The following DLAT variants were observed in gnomAD, a reference collection of about 807,000 sequenced individuals.
The protein encoded by DLAT is dihydrolipoamide S-acetyltransferase.
In DLAT, 43 loss-of-function variants were observed where a neutral mutation model predicts 68.0. The observed-to-expected ratio is 0.63, with a 90% CI of 0.50 to 0.81. DLAT has a LOEUF of 0.81. Ranked by LOEUF, DLAT falls within the 40% of genes least tolerant of loss-of-function variation. The probability of loss-of-function intolerance (pLI) is 0.00; values close to 1 mark genes in which losing one functional copy is unlikely to be tolerated. For missense variants in DLAT, 745 were observed against 815.4 expected, an observed-to-expected ratio of 0.91 and a Z score of 1.05; for synonymous variants, 265 against 288.6, an observed-to-expected ratio of 0.92 and a Z score of 0.83.
At chr11:112,057,285 C>T (rs782107589) in intron 11 of DLAT, among the ~76,000 whole-genome samples, 2 of 152,168 alleles carry the variant, frequency 1.3e-5, no homozygotes, top group African/African-American at 4.8e-5. Context: ...CAATTAGTAA[C>T]TCTACAATGG....
intron 4 of DLAT, among the ~76,000 whole-genome samples, chr11:112,031,802 A>G (rs781900556): frequency 3.7e-5 from 5 of 136,164 alleles, no homozygotes; most frequent in Middle Eastern, 5.0e-3. Context: ...CTGGTCGTGA[A>G]CTCCTGGGCT....
intron 11 of DLAT, among the ~76,000 whole-genome samples, chr11:112,055,331 C>T (rs1863949385): frequency 6.6e-6 from 1 of 150,618 alleles, no homozygotes; most frequent in Non-Finnish European, 1.5e-5. Context: ...GCAACCTCCG[C>T]CTCGTGGGTT....
intron 2 of DLAT, among the ~76,000 whole-genome samples, chr11:112,027,275 G>A (rs1555179441): frequency 6.6e-6 from 1 of 150,932 alleles, no homozygotes; most frequent in African/African-American, 2.5e-5. Context: ...TCGCGGCCGG[G>A]TAGAGGCGCT....
chr11:112,037,629 G>A (rs910315070), intron 6 of DLAT, among the ~76,000 whole-genome samples, 169 bp downstream of exon 6: 25 of 152,104 alleles, frequency 1.6e-4, no homozygotes, highest in African/African-American at 6.0e-4. Flanking sequence ...GTACTGCACT[G>A]TTCACCTAAT....
At chr11:112,029,774 C>A in intron 4 of DLAT, 2 of 460,346 alleles carry the variant, frequency 4.3e-6, no homozygotes, top group South Asian at 1.8e-5. Flanking sequence ...GGGGCCAGTC[C>A]AGATTATCTT....
intron 2 of DLAT, 84 bp from the exon 3 acceptor site, chr11:112,028,420 CAAAAAAAAAAA>C: frequency 3.7e-6 from 3 of 814,926 alleles, no homozygotes; most frequent in South Asian, 1.7e-5. Context: ...CTCTGTGTCT[CAAAAAAAAAAA>C]AAAAAAAAAA....
At chr11:112,031,885 GTTTTTTTTTTTTTTTTT>G (rs55866523) in intron 4 of DLAT, among the ~76,000 whole-genome samples, 3 of 45,352 alleles carry the variant, frequency 6.6e-5, no homozygotes, top group East Asian at 1.6e-3. Flanking sequence ...GGTCTTTCCT[GTTTTTTTTTTTTTTTTT>G]TTTTTTTTTT....
At position 112,037,343 on chromosome 11, in the gene DLAT, A is replaced by G. The variant is rs782640178; in HGVS notation, c.858A>G (p.Leu286=). 6.2e-7 allele frequency: 1 copy of G among 1,614,184 alleles called. No homozygotes were observed. Among genetic ancestry groups the G allele is most frequent in the Admixed American group, 1.7e-5 (1 of 60,024 alleles). Residue 286 remains leucine (L), a synonymous_variant, in exon 6 of 14, where the codon CTA becomes CTG. Coordinates refer to ENST00000280346, the MANE Select transcript of DLAT (RefSeq NM_001931.5). ...CTGAAGGCACAAGAGATGTCCCTCTAGGAACCCCACTCTGTATCATTGTAG... is the reference window on the plus strand; with the variant it reads ...CTGAAGGCACAAGAGATGTCCCTCTGGGAACCCCACTCTGTATCATTGTAG... ...LVPEGTRDVP[L]GTPLCIIVEK...
intron 1 of DLAT, 96 bp downstream of exon 1, chr11:112,025,847 C>A: frequency 1.4e-6 from 2 of 1,477,392 alleles, no homozygotes; most frequent in Non-Finnish European, 1.8e-6. Context: ...TGATCCTCCA[C>A]CCATTCCCAG....
intron 5 of DLAT, among the ~76,000 whole-genome samples, chr11:112,036,201 G>GGTT: frequency 2.7e-5 from 1 of 36,482 alleles, no homozygotes; most frequent in Non-Finnish European, 5.1e-5. Flanking sequence ...GTGTGTGTGT[G>GGTT]TTTTTTTTTT....
intron 5 of DLAT, among the ~76,000 whole-genome samples, chr11:112,034,476 T>C (rs2137733346): frequency 6.6e-6 from 1 of 151,796 alleles, no homozygotes; most frequent in Middle Eastern, 3.4e-3. Flanking sequence ...GGAGTCTCGC[T>C]GTGTTGCCCA....
intron 11 of DLAT, among the ~76,000 whole-genome samples, chr11:112,056,553 C>T (rs1412962640): frequency 6.6e-6 from 1 of 152,102 alleles, no homozygotes; most frequent in African/African-American, 2.4e-5. Flanking sequence ...AGTGTTTAAT[C>T]GTATCAATAT....
At chr11:112,032,011 G>T (rs1003236646) in intron 4 of DLAT, among the ~76,000 whole-genome samples, 1 of 148,732 alleles carries the variant, frequency 6.7e-6, no homozygotes, top group Non-Finnish European at 1.5e-5. Context: ...CTCCTGAGTA[G>T]CTGGGACTAC....
intron 11 of DLAT, among the ~76,000 whole-genome samples, chr11:112,053,377 C>T (rs933102438): frequency 2.0e-5 from 3 of 152,088 alleles, no homozygotes; most frequent in Non-Finnish European, 2.9e-5. Context: ...TGCTCCATGG[C>T]TTAGAGTGAC....
At chr11:112,053,183 G>A (rs782721805) in intron 11 of DLAT, among the ~76,000 whole-genome samples, 2 of 152,050 alleles carry the variant, frequency 1.3e-5, no homozygotes, top group Non-Finnish European at 2.9e-5. Flanking sequence ...TTAGCTGAGC[G>A]TGGTGGTGCA....
At chr11:112,057,737 C>G (rs1316638460) in intron 11 of DLAT, among the ~76,000 whole-genome samples, 1 of 152,086 alleles carries the variant, frequency 6.6e-6, no homozygotes, top group African/African-American at 2.4e-5. Flanking sequence ...CATAAAAGTA[C>G]AGGGTGAAGC....
In DLAT at chr11:112,037,440, C is replaced by T; in HGVS notation, c.955C>T (p.Pro319Ser). The T allele has an allele frequency of 6.2e-7, 1 of 1,613,886 alleles. No individual in the cohort carries two copies. Among genetic ancestry groups the T allele is most frequent in the Middle Eastern group, 1.6e-4 (1 of 6,062 alleles). ...TEVTDLKPQV[P>S]PPTPPPVAAV... ...AGTAACAGATTTAAAACCACAAGTGCCACCACCTACCCCACCCCCGGTAGG... is the reference window on the plus strand; with the variant it reads ...AGTAACAGATTTAAAACCACAAGTGTCACCACCTACCCCACCCCCGGTAGG... Residue 319 changes from proline (P) to serine (S), a missense_variant, in exon 6 of 14, where the codon CCA (proline) becomes TCA (serine). Pro to Ser is a moderately conservative substitution (Grantham distance 74). Coordinates refer to ENST00000280346, the MANE Select transcript of DLAT (RefSeq NM_001931.5).
chr11:112,060,087 T>C (rs1221136931), intron 12 of DLAT, 22 bp downstream of exon 12: 7 of 1,606,464 alleles, frequency 4.4e-6, no homozygotes, highest in Non-Finnish European at 6.0e-6. Flanking sequence ...ATTATTGCTT[T>C]CTAATTATGT....
At chr11:112,041,583 A>G (rs1863051564) in intron 7 of DLAT, among the ~76,000 whole-genome samples, 1 of 152,228 alleles carries the variant, frequency 6.6e-6, no homozygotes, top group South Asian at 2.1e-4. Context: ...TCTGAGGAAC[A>G]TAAAAGAGGC....
Sources: gnomAD v4.1 joint callset for allele counts (sites outside exome capture counted in the v4.1 genomes callset) on GRCh38, gnomAD v4.1.1 for gene constraint, MANE v1.5 for transcripts, NCBI Gene and HGNC (gene_info 2026-07-23, HGNC 2026-07-21) for gene names.